The following RD3 variants were observed in gnomAD, a reference collection of about 807,000 sequenced individuals.
RD3 encodes protein RD3.
In RD3, 11 loss-of-function variants were observed where a neutral mutation model predicts 16.9. That is an observed-to-expected ratio of 0.65 (90% CI 0.41 to 1.08). The LOEUF (loss-of-function observed/expected upper bound fraction) is 1.08, where lower values mean the gene tolerates loss of function less well. Among genes scored for constraint, RD3 ranks in the 50% least tolerant of loss-of-function variants. The probability of loss-of-function intolerance (pLI) is 0.00; values close to 1 mark genes in which losing one functional copy is unlikely to be tolerated. For missense variants in RD3, 274 were observed against 267.4 expected (o/e 1.02, Z -0.17); for synonymous variants, 116 against 114.8 (o/e 1.01, Z -0.07).
chr1:211,488,372 T>TA (rs1705417721), intron 1 of RD3, among the ~76,000 whole-genome samples: 1 of 151,880 alleles, frequency 6.6e-6, no homozygotes, highest in Non-Finnish European at 1.5e-5. Context: ...CCATCTCTAC[T>TA]AAAAATACAA....
chr1:211,486,121 AGCCT>A lies in RD3; in HGVS notation c.-11-4699_-11-4696del, dbSNP rs546393014. On this transcript the variant is annotated intron_variant, in intron 1 of 2. Coordinates refer to ENST00000680073, the MANE Select transcript of RD3 (RefSeq NM_001164688.2). ...AGTTGAGATCGCGCCACTGCACTCCAGCCTGGGTGACAGAGTGAGACCCCATCTC... is the reference window on the plus strand; with the variant it reads ...AGTTGAGATCGCGCCACTGCACTCCAGGGTGACAGAGTGAGACCCCATCTC... 1.3e-3 allele frequency among the ~76,000 whole-genome samples: 193 copies of A among 151,134 alleles called. 3 individuals are homozygous for A. The highest frequency in any genetic ancestry group is 4.3e-3 in the African/African-American group (177 of 41,314).
In RD3 at chr1:211,492,089, G is replaced by A. The variant is rs1465414950; in HGVS notation, c.-333C>T. ...TGTGTGTGTGTGTGTGTGTGTGTGT[G>A]TGTATGCGTGTATGTATCCCGCGAG... On this transcript the variant is annotated 5_prime_UTR_variant, in exon 1 of 3. Transcript: ENST00000680073. The A allele has an allele frequency of 7.1e-6, 1 of 141,640 alleles. No homozygotes were observed. The highest frequency in any genetic ancestry group is 1.5e-5 in the Non-Finnish European group (1 of 66,140). 8.8% of individuals were successfully genotyped at this position (141,640 alleles called of 1,614,324 possible). A position where few individuals can be genotyped will look rare whatever the true frequency, so the allele number is the denominator to read the frequency against.
rs1362593168 is a variant in RD3 at position 211,477,246 on chromosome 1, G to A, written c.*1790C>T. On this transcript the variant is annotated 3_prime_UTR_variant, in exon 3 of 3. Transcript: ENST00000680073. The stretch of plus-strand genomic sequence containing the variant: ...CCAAGGCGAGTGGATCACGAGGTCA[G>A]GAGTTCAAGACCATTCTGGGCAACA... 6.6e-6 allele frequency: 1 copy of A among 152,080 alleles called. No individual in the cohort carries two copies. The highest frequency in any genetic ancestry group is 1.9e-4 in the East Asian group (1 of 5,182). 9.4% of individuals were successfully genotyped at this position (152,080 alleles called of 1,614,324 possible). A position where few individuals can be genotyped will look rare whatever the true frequency, so the allele number is the denominator to read the frequency against.
At position 211,477,420 on chromosome 1, in the gene RD3, C is replaced by T. The variant is rs1010911473; in HGVS notation, c.*1616G>A. ...GGTGAGCCGAGATCACGCCACTGCA[C>T]TGCAGCCTGGGTAACAGAGTGAGAC... On this transcript the variant is annotated 3_prime_UTR_variant, in exon 3 of 3. Transcript: ENST00000680073. 6 of 150,664 alleles carry T rather than the reference C, an allele frequency of 4.0e-5. No homozygotes were observed. In the East Asian group the frequency reaches 1.2e-3, roughly 29 times the overall value. 9.3% of individuals were successfully genotyped at this position (150,664 alleles called of 1,614,324 possible).
chr1:211,483,906 T>A (rs1196546488), intron 1 of RD3, among the ~76,000 whole-genome samples: 1 of 152,196 alleles, frequency 6.6e-6, no homozygotes, highest in Non-Finnish European at 1.5e-5. Context: ...ACTGCGAGCA[T>A]GCGGAGTCAC....
intron 1 of RD3, among the ~76,000 whole-genome samples, chr1:211,489,772 C>G (rs1273090316): frequency 6.6e-6 from 1 of 152,126 alleles, no homozygotes; most frequent in Non-Finnish European, 1.5e-5. Flanking sequence ...CTTCCCCAGC[C>G]CTGGCTTCTG....
rs145484630 is a variant in RD3, at chr1:211,490,266, C to G, written c.-12+1502G>C. 2.0e-5 allele frequency among the ~76,000 whole-genome samples: 3 copies of G among 152,376 alleles called. No individual in the cohort carries two copies. In the East Asian group the frequency reaches 5.8e-4, roughly 29 times the overall value. On this transcript the variant is annotated intron_variant, in intron 1 of 2. Transcript: ENST00000680073. ...AGGAGGGATGAGAGTGCCCTCACCTCTAGTGAGAACTGAGGCCCTGCGCCG... is the reference window on the plus strand; with the variant it reads ...AGGAGGGATGAGAGTGCCCTCACCTGTAGTGAGAACTGAGGCCCTGCGCCG...
At chr1:211,480,769 C>A (rs1286724293) in intron 2 of RD3, among the ~76,000 whole-genome samples, 1 of 152,060 alleles carries the variant, frequency 6.6e-6, no homozygotes, top group African/African-American at 2.4e-5. Context: ...GAAAACTTCT[C>A]CGAGAAGGTA....
chr1:211,489,971 C>T (rs1430151834), intron 1 of RD3, among the ~76,000 whole-genome samples: 2 of 152,222 alleles, frequency 1.3e-5, no homozygotes, highest in Non-Finnish European at 2.9e-5. Context: ...CTTTCTCCTT[C>T]ATTACCCCTT....
intron 1 of RD3, among the ~76,000 whole-genome samples, chr1:211,481,807 C>G (rs887935192): frequency 6.6e-6 from 1 of 151,500 alleles, no homozygotes; most frequent in African/African-American, 2.5e-5. Context: ...CACAAGCTTT[C>G]CCTATGACTT....
At position 211,479,333 on chromosome 1, in the gene RD3, C is replaced by T. The variant is rs752230261; in HGVS notation, c.297-6G>A. ...CCGCCAGCAGCTGCCGGAACCTGGG[C>T]GGGAGGGGAGGGCGCTGGGGACATT... On this transcript the variant is annotated splice_polypyrimidine_tract_variant and splice_region_variant and intron_variant, in intron 2 of 2. Coordinates refer to ENST00000680073, the MANE Select transcript of RD3 (RefSeq NM_001164688.2). 17 of 1,562,340 alleles carry T rather than the reference C, an allele frequency of 1.1e-5. No homozygotes were observed. The East Asian group carries it at 3.9e-4, about 36-fold the overall frequency.
intron 1 of RD3, among the ~76,000 whole-genome samples, chr1:211,486,987 A>T (rs1290679300): frequency 6.6e-6 from 1 of 152,190 alleles, no homozygotes; most frequent in Admixed American, 6.5e-5. Flanking sequence ...GTATACACAC[A>T]CCCCATAAAC....
rs774437667 is a variant in RD3 at position 211,479,297 on chromosome 1, G to A, written c.327C>T (p.Pro109=). 5 of 1,604,256 alleles carry A rather than the reference G, an allele frequency of 3.1e-6. No individual in the cohort carries two copies. Among genetic ancestry groups the A allele is most frequent in the South Asian group, 1.1e-5 (1 of 89,248 alleles). The change falls in exon 3 of 3, where the codon CCC becomes CCT. Residue 109 remains proline (P), a synonymous_variant. Transcript: ENST00000680073. ...AGAGCTGGGACACCTCCTGCACCTC[G>A]GGCTCCTGCTCCGCCAGCAGCTGCC... ...RFRQLLAEQE[P]EVQEVSQLFR...
Position 211,477,154 on chromosome 1 carries a change from G to A in RD3, c.*1882C>T, listed in dbSNP as rs1266262114. ...ATAGGTCACAAAAAAGCACAGCTTG[G>A]ACCCACATCAAAAGTTTGGCAGCCA... is the stretch of plus-strand genomic sequence containing the variant. On this transcript the variant is annotated 3_prime_UTR_variant, in exon 3 of 3. Transcript: ENST00000680073. 1 of 152,106 alleles carries A rather than the reference G, an allele frequency of 6.6e-6. No homozygotes were observed. The highest frequency in any genetic ancestry group is 1.5e-5 in the Non-Finnish European group (1 of 68,054). The allele number at this position is 152,106 out of a possible 1,614,324, so 9.4% of individuals were successfully genotyped here.
At chr1:211,490,067 G>A (rs1323705867) in intron 1 of RD3, among the ~76,000 whole-genome samples, 2 of 152,106 alleles carry the variant, frequency 1.3e-5, no homozygotes, top group African/African-American at 4.8e-5. Context: ...CCTGGGAGGC[G>A]CCACTACCAG....
chr1:211,488,974 G>A (rs1372867641), intron 1 of RD3, among the ~76,000 whole-genome samples: 2 of 152,106 alleles, frequency 1.3e-5, no homozygotes, highest in Admixed American at 6.5e-5. Flanking sequence ...CTGGGCTTGG[G>A]GAGACAGTGC....
At chr1:211,484,991 C>G (rs533393924) in intron 1 of RD3, among the ~76,000 whole-genome samples, 3 of 152,352 alleles carry the variant, frequency 2.0e-5, no homozygotes, top group African/African-American at 7.2e-5. Context: ...AGTCCCTAAG[C>G]CTGACCTCGA....
At chr1:211,481,690 T>C (rs574729922) in intron 1 of RD3, among the ~76,000 whole-genome samples, 1 of 152,296 alleles carries the variant, frequency 6.6e-6, no homozygotes, top group African/African-American at 2.4e-5. Context: ...TAAGAGACTC[T>C]TGTGATTATG....
chr1:211,479,435 C>T (rs894412642), intron 2 of RD3, 108 bp from the exon 3 acceptor site: 1 of 958,154 alleles, frequency 1.0e-6, no homozygotes, highest in Non-Finnish European at 1.5e-6. Flanking sequence ...GCCAATTAGT[C>T]CACTCTACTC....
Sources: gnomAD v4.1 joint callset for allele counts (sites outside exome capture counted in the v4.1 genomes callset) on GRCh38, gnomAD v4.1.1 for gene constraint, MANE v1.5 for transcripts, NCBI Gene and HGNC (gene_info 2026-07-23, HGNC 2026-07-21) for gene names.